The following ABL2 variants were observed in gnomAD, a reference collection of about 807,000 sequenced individuals.
ABL2 encodes ABL proto-oncogene 2, non-receptor tyrosine kinase.
Under a neutral mutation model 107.7 loss-of-function variants are expected in ABL2, and 49 were observed. The observed-to-expected ratio is 0.45, with a 90% CI of 0.36 to 0.58. ABL2 has a LOEUF of 0.58. Ranked by LOEUF, ABL2 falls within the 20% of genes least tolerant of loss-of-function variation. The pLI is 0.00. For missense variants in ABL2, 1,245 were observed against 1,457.0 expected (o/e 0.85, Z 2.37); for synonymous variants, 549 against 548.6 (o/e 1.00, Z -0.01).
chr1:179,161,158 G>A (rs2102752094), intron 1 of ABL2, among the ~76,000 whole-genome samples: 1 of 152,162 alleles, frequency 6.6e-6, no homozygotes, highest in South Asian at 2.1e-4. Flanking sequence ...TTTAAAAAAA[G>A]CAAAAGACTT....
chr1:179,118,719 A>G lies in ABL2; in HGVS notation c.1091T>C (p.Met364Thr), dbSNP rs554331117. The G allele has an allele frequency of 6.2e-7, 1 of 1,614,154 alleles. No individual in the cohort carries two copies. Among genetic ancestry groups the G allele is most frequent in the African/African-American group, 1.3e-5 (1 of 75,054 alleles). The change falls in exon 7 of 12, where the codon ATG (methionine) becomes ACG (threonine). Residue 364 changes from methionine to threonine, a missense_variant. Met to Thr is a moderately conservative substitution (Grantham distance 81). Coordinates refer to ENST00000502732, the MANE Select transcript of ABL2 (RefSeq NM_007314.4). ...EPPFYIVTEY[M>T]PYGNLLDYLR... ...GTAATCCAGCAAATTCCCGTATGGC[A>G]TGTATTCAGTCACAATGTAAAATGG... is the stretch of plus-strand genomic sequence containing the variant.
At chr1:179,130,059 C>A (rs1235782450) in intron 3 of ABL2, among the ~76,000 whole-genome samples, 1 of 152,250 alleles carries the variant, frequency 6.6e-6, no homozygotes, top group Non-Finnish European at 1.5e-5. Flanking sequence ...CCTGCCTCAG[C>A]CTCCTGAGTA....
chr1:179,184,554 T>G, intron 1 of ABL2: 2 of 569,892 alleles, frequency 3.5e-6, no homozygotes, highest in Non-Finnish European at 6.3e-6. Context: ...CTGATATGGA[T>G]GAAGAAGGAG....
Position 179,100,559 on chromosome 1 carries a change from A to T in ABL2, c.*7159T>A, listed in dbSNP as rs1353502115. The stretch of plus-strand genomic sequence containing the variant: ...ATTTAAGCAAGTTCTGACTACACAA[A>T]CTCCTTATGTTTCCTTTCATAAAGC... On this transcript the variant is annotated 3_prime_UTR_variant, in exon 12 of 12. Coordinates refer to ENST00000502732, the MANE Select transcript of ABL2 (RefSeq NM_007314.4). 4.4e-6 allele frequency: 1 copy of T among 229,130 alleles called. No homozygotes were observed. The highest frequency in any genetic ancestry group is 2.2e-5 in the African/African-American group (1 of 45,070). 14.2% of individuals were successfully genotyped at this position (229,130 alleles called of 1,614,324 possible).
rs1322166102 is a variant in ABL2, at chr1:179,121,645, C to T, written c.910G>A (p.Val304Ile). ...LGGGQYGEVY[V>I]GVWKKYSLTV... Reference sequence around the variant, plus strand: ...AGGCTGTATTTCTTCCAGACGCCAACGTAAACCTCTCCATACTGACCGCCC... The same window carrying T: ...AGGCTGTATTTCTTCCAGACGCCAATGTAAACCTCTCCATACTGACCGCCC... Residue 304 changes from valine to isoleucine, a missense_variant, in exon 5 of 12, where the codon GTT (valine) becomes ATT (isoleucine). By Grantham distance (29) the Val-to-Ile change is conservative. Around this residue, in one of 3 missense-constraint regions of ABL2, gnomAD observed 320 missense variants for 547.0 expected, o/e 0.59. Transcript: ENST00000502732. 3 of 1,614,090 alleles carry T rather than the reference C, an allele frequency of 1.9e-6. No individual in the cohort carries two copies. The highest frequency in any genetic ancestry group is 2.5e-6 in the Non-Finnish European group (3 of 1,180,046).
chr1:179,192,367 ACC>A (rs1242934388), intron 1 of ABL2, among the ~76,000 whole-genome samples: 1 of 152,198 alleles, frequency 6.6e-6, no homozygotes. Flanking sequence ...GGAATGTCAA[ACC>A]CTTCCACCAA....
intron 1 of ABL2, among the ~76,000 whole-genome samples, 189 bp downstream of exon 1, chr1:179,229,052 G>A (rs1005085839): frequency 2.0e-5 from 3 of 152,050 alleles, no homozygotes; most frequent in African/African-American, 7.2e-5. Flanking sequence ...TGCCAGCCAG[G>A]CTAGAGACGC....
chr1:179,184,617 T>C (rs1660578377), intron 1 of ABL2: 1 of 525,420 alleles, frequency 1.9e-6, no homozygotes, highest in Non-Finnish European at 3.5e-6. Flanking sequence ...AAGATATTGA[T>C]GAAGAAGGGG....
chr1:179,166,017 G>A (rs572170326), intron 1 of ABL2, among the ~76,000 whole-genome samples: 2 of 151,962 alleles, frequency 1.3e-5, no homozygotes, highest in African/African-American at 4.8e-5. Flanking sequence ...GATTGGTCTC[G>A]AACTCCTGAC....
intron 1 of ABL2, among the ~76,000 whole-genome samples, chr1:179,160,874 A>C (rs1387689823): frequency 6.6e-6 from 1 of 152,148 alleles, no homozygotes; most frequent in East Asian, 1.9e-4. Context: ...ATGAGATACC[A>C]CTACAAGCAC....
chr1:179,205,572 G>A (rs991262458), intron 1 of ABL2, among the ~76,000 whole-genome samples: 2 of 152,168 alleles, frequency 1.3e-5, no homozygotes, highest in Non-Finnish European at 2.9e-5. Flanking sequence ...GTCAGCCTGG[G>A]TCTCTGGGTG....
At chr1:179,135,940 CCG>C (rs1656900254) in intron 1 of ABL2, among the ~76,000 whole-genome samples, 1 of 139,608 alleles carries the variant, frequency 7.2e-6, no homozygotes, top group East Asian at 2.4e-4. Flanking sequence ...GCCAGCCGCC[CCG>C]TCCAGGAGGG....
intron 2 of ABL2, among the ~76,000 whole-genome samples, chr1:179,132,571 C>T (rs1156245177): frequency 1.3e-5 from 2 of 151,758 alleles, no homozygotes; most frequent in Admixed American, 6.6e-5. Context: ...GAGTTTCGCT[C>T]TTGTTGCCCA....
Position 179,107,030 on chromosome 1 carries a change from A to G in ABL2, c.*688T>C, listed in dbSNP as rs375871495. On this transcript the variant is annotated 3_prime_UTR_variant, in exon 12 of 12. Transcript: ENST00000502732. Reference sequence around the variant, plus strand: ...CAGACTGGGAGAAGTGACTTCTGCTAATCTGTGTAAGATTTTAGAAGGTTT... The same window carrying G: ...CAGACTGGGAGAAGTGACTTCTGCTGATCTGTGTAAGATTTTAGAAGGTTT... 8.7e-6 allele frequency: 2 copies of G among 229,650 alleles called. No homozygotes were observed. The highest frequency in any genetic ancestry group is 1.8e-4 in the South Asian group (1 of 5,498). The allele number at this position is 229,650 out of a possible 1,614,324, so 14.2% of individuals were successfully genotyped here.
rs1304582276 is a variant in ABL2 at position 179,103,267 on chromosome 1, A to C, written c.*4451T>G. On this transcript the variant is annotated 3_prime_UTR_variant, in exon 12 of 12. Transcript: ENST00000502732. ...CTGCTCATACCTGTTAAGCAGTTTC[A>C]TATTTCTAAATGTGATAAATGACAG... The C allele has an allele frequency of 1.4e-5, 3 of 207,970 alleles. No individual in the cohort carries two copies. Among genetic ancestry groups the C allele is most frequent in the African/African-American group, 6.8e-5 (3 of 44,004 alleles). The allele number at this position is 207,970 out of a possible 1,614,324, so 12.9% of individuals were successfully genotyped here.
At chr1:179,169,042 T>C (rs1039965846) in intron 1 of ABL2, among the ~76,000 whole-genome samples, 3 of 152,292 alleles carry the variant, frequency 2.0e-5, no homozygotes, top group Middle Eastern at 3.4e-3. Flanking sequence ...GTTAGTAATA[T>C]TGGAGAGTGT....
intron 1 of ABL2, among the ~76,000 whole-genome samples, chr1:179,215,763 T>C (rs547051316): frequency 2.0e-5 from 3 of 151,920 alleles, no homozygotes; most frequent in Non-Finnish European, 2.9e-5. Flanking sequence ...AACAAAAACC[T>C]TCAGGTATCA....
Position 179,126,691 on chromosome 1 carries a change from C to T in ABL2, c.392-19G>A. The T allele has an allele frequency of 6.3e-7, 1 of 1,595,194 alleles. No homozygotes were observed. The highest frequency in any genetic ancestry group is 8.6e-7 in the Non-Finnish European group (1 of 1,166,298). On this transcript the variant is annotated intron_variant, in intron 3 of 11. Coordinates refer to ENST00000502732, the MANE Select transcript of ABL2 (RefSeq NM_007314.4). This position sits in a 1 kb window ranked among gnomAD's most constrained non-coding sequence, Gnocchi z 4.4. ...TTTTCACCTAGCCATAAGGTCATCA[C>T]AGGATGAAAGAAACGATGTTAAGAC... is the stretch of plus-strand genomic sequence containing the variant.
At chr1:179,154,336 G>A (rs941439281) in intron 1 of ABL2, among the ~76,000 whole-genome samples, 13 of 152,074 alleles carry the variant, frequency 8.5e-5, no homozygotes, top group Admixed American at 2.0e-4. Context: ...CATGTTCCAC[G>A]TCTCCTCTCT....
Sources: allele counts gnomAD v4.1 joint callset (sites outside exome capture counted in the v4.1 genomes callset), GRCh38; gene constraint gnomAD v4.1.1; regional missense constraint gnomAD v4.1.1; non-coding constraint Gnocchi (gnomAD v3.1); transcripts MANE v1.5; gene names NCBI Gene and HGNC (gene_info 2026-07-23, HGNC 2026-07-21).